STXBP5: variants seen among roughly 807,000 people sequenced by gnomAD.
The protein encoded by STXBP5 is syntaxin binding protein 5, also known as syntaxin-binding protein 5.
In STXBP5, 50 loss-of-function variants were observed where a neutral mutation model predicts 152.4. The observed-to-expected ratio is 0.33, with a 90% CI of 0.26 to 0.42. The LOEUF is 0.42. Among genes scored for constraint, STXBP5 ranks in the 10% least tolerant of loss-of-function variants. STXBP5 has a pLI of 1.00. For missense variants in STXBP5, 1,167 were observed against 1,388.6 expected, an observed-to-expected ratio of 0.84 and a Z score of 2.54; for synonymous variants, 492 against 494.7, an observed-to-expected ratio of 0.99 and a Z score of 0.07.
At chr6:147,352,245 CTT>C (rs979943383) in intron 21 of STXBP5, among the ~76,000 whole-genome samples, 21 of 152,254 alleles carry the variant, frequency 1.4e-4, no homozygotes, top group African/African-American at 4.1e-4. Context: ...GAAGAGTTAA[CTT>C]ATATCAAGGA....
rs1196375371 is a variant in STXBP5 at position 147,387,184 on chromosome 6, A to G, written c.*2429A>G. ...GAGTTATACTTGATTCTGTCTGTAG[A>G]TAAGAGACAGTCTACAGTAATAACT... On this transcript the variant is annotated 3_prime_UTR_variant, in exon 28 of 28. Coordinates refer to ENST00000321680, the MANE Select transcript of STXBP5 (RefSeq NM_001127715.4). 1 of 151,692 alleles carries G rather than the reference A, an allele frequency of 6.6e-6. No individual in the cohort carries two copies. The highest frequency in any genetic ancestry group is 2.4e-5 in the African/African-American group (1 of 41,398). 9.4% of individuals were successfully genotyped at this position (151,692 alleles called of 1,614,324 possible). A position where few individuals can be genotyped will look rare whatever the true frequency, so the allele number is the denominator to read the frequency against.
At chr6:147,377,933 G>T (rs1395117846) in intron 26 of STXBP5, among the ~76,000 whole-genome samples, 1 of 151,972 alleles carries the variant, frequency 6.6e-6, no homozygotes, top group Non-Finnish European at 1.5e-5. Flanking sequence ...GGAAAAAAAA[G>T]GAATAACACT....
chr6:147,292,073 C>CT (rs891861040), intron 9 of STXBP5, among the ~76,000 whole-genome samples: 7 of 152,162 alleles, frequency 4.6e-5, no homozygotes, highest in Admixed American at 4.6e-4. Context: ...CTGATGCACT[C>CT]TAACATTTAG....
intron 9 of STXBP5, among the ~76,000 whole-genome samples, chr6:147,301,617 A>G (rs989809679): frequency 6.6e-6 from 1 of 152,170 alleles, no homozygotes; most frequent in African/African-American, 2.4e-5. Flanking sequence ...TATCTATATT[A>G]TCTTTAGTCT....
intron 8 of STXBP5, among the ~76,000 whole-genome samples, chr6:147,280,363 C>T (rs746740889): frequency 1.7e-4 from 26 of 151,984 alleles, no homozygotes; most frequent in Non-Finnish European, 2.4e-4. Context: ...AAGTGGAACT[C>T]GTTTTTGATT....
At chr6:147,272,870 A>G (rs1239600353) in intron 7 of STXBP5, among the ~76,000 whole-genome samples, 4 of 152,130 alleles carry the variant, frequency 2.6e-5, no homozygotes, top group African/African-American at 9.7e-5. Flanking sequence ...CTTTGTAACC[A>G]TAGTTATTAT....
chr6:147,367,841 ATATTC>A (rs1168921697), intron 25 of STXBP5, among the ~76,000 whole-genome samples: 1 of 152,162 alleles, frequency 6.6e-6, no homozygotes, highest in Non-Finnish European at 1.5e-5. Flanking sequence ...TCATTACTAT[ATATTC>A]TATAGATATG....
chr6:147,299,897 G>A (rs757774507), intron 9 of STXBP5, among the ~76,000 whole-genome samples: 1 of 151,886 alleles, frequency 6.6e-6, no homozygotes, highest in African/African-American at 2.4e-5. Context: ...ACAGAATGAC[G>A]TTTTATTTAT....
chr6:147,269,840 A>G (rs1030257662), intron 7 of STXBP5, among the ~76,000 whole-genome samples: 1 of 152,210 alleles, frequency 6.6e-6, no homozygotes, highest in Admixed American at 6.5e-5. Context: ...TACGACTTCA[A>G]GCAGACTAAT....
chr6:147,371,566 G>T (rs148633643), intron 25 of STXBP5, among the ~76,000 whole-genome samples: 13 of 152,198 alleles, frequency 8.5e-5, no homozygotes, highest in Middle Eastern at 3.4e-3. Flanking sequence ...AGTTGAAGAA[G>T]CCATTTCTTT....
intron 21 of STXBP5, among the ~76,000 whole-genome samples, chr6:147,350,207 A>G (rs1293979705): frequency 6.6e-6 from 1 of 152,250 alleles, no homozygotes; most frequent in South Asian, 2.1e-4. Context: ...TATATTTAGT[A>G]TTTTTTACAT....
chr6:147,234,284 A>G (rs78641828), intron 2 of STXBP5, among the ~76,000 whole-genome samples: 3,176 of 151,976 alleles, frequency 0.021, 96 homozygotes, highest in African/African-American at 0.072. Context: ...AGTTAAAATG[A>G]CTACCTTCTT....
At chr6:147,223,812 A>C (rs1377075445) in intron 2 of STXBP5, among the ~76,000 whole-genome samples, 1 of 152,216 alleles carries the variant, frequency 6.6e-6, no homozygotes, top group African/African-American at 2.4e-5. Flanking sequence ...AGTGTTTGAC[A>C]GGCTGGGTAG....
At chr6:147,296,997 A>G (rs9485163) in intron 9 of STXBP5, among the ~76,000 whole-genome samples, 2,722 of 152,280 alleles carry the variant, frequency 0.018, 72 homozygotes, top group African/African-American at 0.061. Flanking sequence ...AAATATTCAC[A>G]TAATATTTAT....
rs558195528 is a variant in STXBP5, at chr6:147,365,815, C to T, written c.3081+1649C>T. Among the ~76,000 whole-genome samples the T allele has an allele frequency of 7.6e-4, 116 of 152,244 alleles. 1 individual carries two copies. Among genetic ancestry groups the T allele is most frequent in the Middle Eastern group, 3.4e-3 (1 of 292 alleles). The stretch of plus-strand genomic sequence containing the variant: ...TGAGTACCCTTTTACATTGTGCATT[C>T]CTTCAACTTTAGCCCAAAATAAAGA... On this transcript the variant is annotated intron_variant, in intron 25 of 27. Coordinates refer to ENST00000321680, the MANE Select transcript of STXBP5 (RefSeq NM_001127715.4).
intron 9 of STXBP5, among the ~76,000 whole-genome samples, chr6:147,300,888 T>C (rs1210402715): frequency 6.6e-6 from 1 of 151,566 alleles, no homozygotes; most frequent in African/African-American, 2.4e-5. Flanking sequence ...TGAGAGAAAA[T>C]ATTTGTAAAC....
intron 9 of STXBP5, among the ~76,000 whole-genome samples, chr6:147,308,553 C>G (rs1782212343): frequency 6.6e-6 from 1 of 152,032 alleles, no homozygotes; most frequent in Admixed American, 6.6e-5. Context: ...TCACACAAAA[C>G]CACTGCCCTC....
chr6:147,245,569 A>G (rs1450175798), intron 4 of STXBP5, among the ~76,000 whole-genome samples: 2 of 152,180 alleles, frequency 1.3e-5, no homozygotes, highest in Non-Finnish European at 2.9e-5. Flanking sequence ...TGTGTACTTT[A>G]CTTACCTGTC....
At chr6:147,372,245 A>G (rs1420888684) in intron 25 of STXBP5, among the ~76,000 whole-genome samples, 1 of 151,964 alleles carries the variant, frequency 6.6e-6, no homozygotes, top group East Asian at 1.9e-4. Context: ...TAATGTTAAT[A>G]TGGATATGTC....
Sources: gnomAD v4.1 joint callset for allele counts (sites outside exome capture counted in the v4.1 genomes callset) on GRCh38, gnomAD v4.1.1 for gene constraint, MANE v1.5 for transcripts, NCBI Gene and HGNC (gene_info 2026-07-23, HGNC 2026-07-21) for gene names.